ADAMTS3: variants seen among roughly 807,000 people sequenced by gnomAD.
ADAMTS3 encodes A disintegrin and metalloproteinase with thrombospondin motifs 3.
Under a neutral mutation model 129.0 loss-of-function variants are expected in ADAMTS3, and 73 were observed. The ratio of observed to expected loss-of-function variants is 0.57; its 90% CI spans 0.47 to 0.69. The LOEUF is 0.69. ADAMTS3 is among the 30% of genes least tolerant of loss of function. The pLI is 0.00. For synonymous variants in ADAMTS3, 477 were observed against 510.8 expected, an observed-to-expected ratio of 0.93 and a Z score of 0.89; for missense variants, 1,457 against 1,514.5, an observed-to-expected ratio of 0.96 and a Z score of 0.63.
At position 72,393,753 on chromosome 4, in the gene ADAMTS3, T is replaced by C. The variant is rs187218132; in HGVS notation, c.661+21062A>G. Among the ~76,000 whole-genome samples the C allele has an allele frequency of 2.6e-5, 4 of 152,320 alleles. No homozygotes were observed. In the East Asian group the frequency reaches 7.7e-4, roughly 29 times the overall value. On this transcript the variant is annotated intron_variant, in intron 4 of 21. Coordinates refer to ENST00000286657, the MANE Select transcript of ADAMTS3 (RefSeq NM_014243.3). ...TAATAAGATAGTATATACTTACTTT[T>C]AAATACATGTAATGTCTGCTGGATT...
intron 4 of ADAMTS3, among the ~76,000 whole-genome samples, chr4:72,354,137 G>T (rs913344358): frequency 4.6e-5 from 7 of 151,988 alleles, no homozygotes; most frequent in Non-Finnish European, 7.4e-5. Flanking sequence ...GTGCTTCCAA[G>T]TAACATATTA....
intron 4 of ADAMTS3, among the ~76,000 whole-genome samples, chr4:72,380,121 C>A (rs1721249917): frequency 6.6e-6 from 1 of 152,058 alleles, no homozygotes; most frequent in Admixed American, 6.6e-5. Context: ...TACTGTAGGA[C>A]CAATGGGACA....
At chr4:72,421,770 C>A (rs1722451380) in intron 3 of ADAMTS3, among the ~76,000 whole-genome samples, 1 of 152,134 alleles carries the variant, frequency 6.6e-6, no homozygotes, top group Non-Finnish European at 1.5e-5. Context: ...GTAGATTCTT[C>A]TGCACCTCTT....
At chr4:72,382,923 C>G (rs772232134) in intron 4 of ADAMTS3, among the ~76,000 whole-genome samples, 2 of 152,108 alleles carry the variant, frequency 1.3e-5, no homozygotes, top group African/African-American at 2.4e-5. Flanking sequence ...CGGTTAGGTA[C>G]CATGTTCACT....
chr4:72,479,752 C>A (rs1044830242), intron 3 of ADAMTS3, among the ~76,000 whole-genome samples: 5 of 152,150 alleles, frequency 3.3e-5, no homozygotes, highest in African/African-American at 4.8e-5. Flanking sequence ...TCAGAGTGAA[C>A]AGGCAGCCTG....
chr4:72,300,123 A>G (rs542639796), intron 17 of ADAMTS3, among the ~76,000 whole-genome samples: 1 of 151,708 alleles, frequency 6.6e-6, no homozygotes, highest in African/African-American at 2.4e-5. Context: ...CTTTTTTTTT[A>G]AAACAGCATT....
At chr4:72,386,177 A>G (rs539790242) in intron 4 of ADAMTS3, among the ~76,000 whole-genome samples, 78 of 152,302 alleles carry the variant, frequency 5.1e-4, no homozygotes, top group Admixed American at 1.3e-3. Flanking sequence ...ACTCTTCAAA[A>G]TGTCTCGGTA....
chr4:72,303,572 C>A (rs1217704849), intron 17 of ADAMTS3, among the ~76,000 whole-genome samples: 3 of 151,596 alleles, frequency 2.0e-5, no homozygotes, highest in African/African-American at 7.3e-5. Flanking sequence ...GTAAATGATA[C>A]TAGATGGAAC....
Position 72,396,791 on chromosome 4 carries a change from C to G in ADAMTS3, c.661+18024G>C, listed in dbSNP as rs185739821. On this transcript the variant is annotated intron_variant, in intron 4 of 21. Transcript: ENST00000286657. ...AAGTAATATATATAAAACAAAGAACCCTTATTTTTGCTCCATTTCTGAATC... is the reference window on the plus strand; with the variant it reads ...AAGTAATATATATAAAACAAAGAACGCTTATTTTTGCTCCATTTCTGAATC... Among the ~76,000 whole-genome samples the G allele has an allele frequency of 1.2e-3, 175 of 152,144 alleles. 2 individuals are homozygous for G. The highest frequency in any genetic ancestry group is 3.4e-3 in the Middle Eastern group (1 of 294).
At chr4:72,301,947 C>T (rs1025222078) in intron 17 of ADAMTS3, among the ~76,000 whole-genome samples, 1 of 152,014 alleles carries the variant, frequency 6.6e-6, no homozygotes, top group African/African-American at 2.4e-5. Context: ...AGACACCAGG[C>T]AGTCCACAGT....
chr4:72,335,432 A>T (rs1719964997), intron 5 of ADAMTS3, among the ~76,000 whole-genome samples: 1 of 152,188 alleles, frequency 6.6e-6, no homozygotes, highest in Non-Finnish European at 1.5e-5. Context: ...TTAAAACAAC[A>T]GATAAACCAA....
chr4:72,414,693 C>A (rs1722260901), intron 4 of ADAMTS3, 122 bp downstream of exon 4: 1 of 729,558 alleles, frequency 1.4e-6, no homozygotes, highest in Non-Finnish European at 2.0e-6. Context: ...ATGTAAACTT[C>A]TTTTTCTATC....
intron 5 of ADAMTS3, 64 bp downstream of exon 5, chr4:72,339,430 G>T: frequency 6.5e-7 from 1 of 1,533,988 alleles, no homozygotes; most frequent in Non-Finnish European, 9.0e-7. Context: ...TTGCCAAAGG[G>T]TACCAACAAA....
At chr4:72,384,832 T>A (rs1182654448) in intron 4 of ADAMTS3, among the ~76,000 whole-genome samples, 1 of 152,184 alleles carries the variant, frequency 6.6e-6, no homozygotes, top group Non-Finnish European at 1.5e-5. Context: ...TATGGTGGGA[T>A]TTATAACATA....
At chr4:72,356,487 C>CAAT (rs1720585316) in intron 4 of ADAMTS3, among the ~76,000 whole-genome samples, 2 of 151,732 alleles carry the variant, frequency 1.3e-5, no homozygotes, top group South Asian at 2.1e-4. Context: ...ATCCCTAAAT[C>CAAT]AATACTCACT....
At chr4:72,382,037 G>T (rs1721302743) in intron 4 of ADAMTS3, among the ~76,000 whole-genome samples, 1 of 152,082 alleles carries the variant, frequency 6.6e-6, no homozygotes, top group African/African-American at 2.4e-5. Context: ...GTGCTATGGT[G>T]GCAGTAATTG....
intron 4 of ADAMTS3, among the ~76,000 whole-genome samples, chr4:72,398,983 T>C (rs1030534658): frequency 1.3e-5 from 2 of 152,226 alleles, no homozygotes; most frequent in Non-Finnish European, 2.9e-5. Context: ...TTGCAGAGAA[T>C]CTTTGACAGT....
chr4:72,418,094 G>A (rs1012355317), intron 3 of ADAMTS3, among the ~76,000 whole-genome samples: 14 of 151,958 alleles, frequency 9.2e-5, no homozygotes, highest in Non-Finnish European at 1.8e-4. Flanking sequence ...GGAAAGTGCA[G>A]AAAAGTAATT....
intron 3 of ADAMTS3, among the ~76,000 whole-genome samples, chr4:72,445,224 T>G (rs920744176): frequency 2.0e-5 from 3 of 151,762 alleles, no homozygotes; most frequent in Middle Eastern, 3.2e-3. Context: ...GCTATTAAAA[T>G]ATTTTGTAGC....
Sources: gnomAD v4.1 joint callset for allele counts (sites outside exome capture counted in the v4.1 genomes callset) on GRCh38, gnomAD v4.1.1 for gene constraint, MANE v1.5 for transcripts, NCBI Gene and HGNC (gene_info 2026-07-23, HGNC 2026-07-21) for gene names.